Variants in RYR2 observed in about 807,000 individuals in gnomAD.
RYR2 encodes cardiac muscle ryanodine receptor-calcium release channel.
In RYR2, 227 loss-of-function variants were observed where a neutral mutation model predicts 601.1. That is an observed-to-expected ratio of 0.38 (90% CI 0.34 to 0.42). The LOEUF (loss-of-function observed/expected upper bound fraction) is 0.42. Among genes scored for constraint, RYR2 ranks in the 10% least tolerant of loss-of-function variants. The probability of loss-of-function intolerance (pLI) is 1.00; values close to 1 mark genes in which losing one functional copy is unlikely to be tolerated. For synonymous variants in RYR2, 2,223 were observed against 2,175.1 expected (o/e 1.02, Z -0.61); for missense variants, 4,646 against 6,156.5 (o/e 0.75, Z 8.21).
chr1:237,733,798 A>T, intron 79 of RYR2, 42 bp downstream of exon 79: 1 of 1,303,090 alleles, frequency 7.7e-7, no homozygotes, highest in Non-Finnish European at 1.1e-6. Flanking sequence ...TAATTTTAAT[A>T]AAGGGAAGTA....
chr1:237,623,685 C>T, intron 38 of RYR2, 80 bp from the exon 39 acceptor site: 1 of 877,072 alleles, frequency 1.1e-6, no homozygotes, highest in Admixed American at 2.0e-5. Flanking sequence ...AGCCACTCCG[C>T]CCGGCCCTGC....
intron 1 of RYR2, among the ~76,000 whole-genome samples, chr1:237,152,434 C>A (rs996203488): frequency 2.0e-5 from 3 of 152,164 alleles, no homozygotes; most frequent in African/African-American, 7.2e-5. Context: ...GGCACACTAT[C>A]TTCCACAATG....
chr1:237,655,947 G>A lies in RYR2; in HGVS notation c.8092G>A (p.Glu2698Lys). The A allele has an allele frequency of 6.2e-7, 1 of 1,613,502 alleles. No homozygotes were observed. Among genetic ancestry groups the A allele is most frequent in the Non-Finnish European group, 8.5e-7 (1 of 1,179,690 alleles). The change falls in exon 53 of 105, where the codon GAA becomes AAA. Residue 2698 changes from glutamate to lysine, a missense_variant. Transcript: ENST00000366574. ...MMEKQSSMDS[E>K]GNFNPQPVDT... ...GGAAAAACAGTCATCAATGGATTCT[G>A]AAGGGAACTTTAACCCACAACCTGT...
At chr1:237,257,278 A>C (rs1688087391) in intron 1 of RYR2, among the ~76,000 whole-genome samples, 1 of 152,178 alleles carries the variant, frequency 6.6e-6, no homozygotes, top group Admixed American at 6.5e-5. Context: ...CTTTCTGCTC[A>C]TCTGTAGGGT....
chr1:237,601,239 A>G (rs1424103720), intron 34 of RYR2, among the ~76,000 whole-genome samples: 1 of 152,200 alleles, frequency 6.6e-6, no homozygotes, highest in Non-Finnish European at 1.5e-5. Context: ...ACACAGTGGA[A>G]TACTATTTGG....
At chr1:237,118,874 C>A (rs1184623405) in intron 1 of RYR2, among the ~76,000 whole-genome samples, 1 of 151,820 alleles carries the variant, frequency 6.6e-6, no homozygotes, top group Non-Finnish European at 1.5e-5. Flanking sequence ...TTTAAAGAAA[C>A]CGGAACTACT....
chr1:237,783,048 T>C (rs1201050510), intron 89 of RYR2, among the ~76,000 whole-genome samples: 1 of 152,228 alleles, frequency 6.6e-6, no homozygotes, highest in East Asian at 1.9e-4. Flanking sequence ...AGTTCAGGAA[T>C]CTGCCATTTT....
Position 237,589,880 on chromosome 1 carries a change from T to C in RYR2, c.3686T>C (p.Ile1229Thr). ...KDVSTLKYFTICGLQEGYEPF... is the reference protein window; with the variant it reads ...KDVSTLKYFTTCGLQEGYEPF... ...GTCAGCACCTTGAAATATTTCACCA[T>C]CTGTGGCTTACAAGAGGGCTATGAA... Residue 1229 changes from isoleucine (I) to threonine (T), a missense_variant, in exon 30 of 105, where the codon ATC (isoleucine) becomes ACC (threonine). Physicochemically the swap from Ile to Thr is moderately conservative, Grantham distance 89. Transcript: ENST00000366574. 2 of 1,613,920 alleles carry C rather than the reference T, an allele frequency of 1.2e-6. No homozygotes were observed. The highest frequency in any genetic ancestry group is 1.7e-6 in the Non-Finnish European group (2 of 1,179,864).
At chr1:237,390,045 GA>G (rs889026073) in intron 10 of RYR2, among the ~76,000 whole-genome samples, 14 of 152,188 alleles carry the variant, frequency 9.2e-5, no homozygotes, top group African/African-American at 3.4e-4. Context: ...AGAGAAATAA[GA>G]GTCAGCAAGA....
At chr1:237,611,696 T>G (rs1677888501) in intron 36 of RYR2, among the ~76,000 whole-genome samples, 2 of 152,202 alleles carry the variant, frequency 1.3e-5, no homozygotes, top group Non-Finnish European at 2.9e-5. Context: ...AATCACAAAC[T>G]GAGTAAAAAC....
intron 2 of RYR2, among the ~76,000 whole-genome samples, chr1:237,284,683 T>TACAC (rs71180018): frequency 4.2e-5 from 6 of 143,604 alleles, no homozygotes; most frequent in African/African-American, 7.8e-5. Flanking sequence ...TATATATATG[T>TACAC]ACACACACAC....
intron 17 of RYR2, among the ~76,000 whole-genome samples, chr1:237,471,873 A>G (rs2150315971): frequency 6.6e-6 from 1 of 151,930 alleles, no homozygotes; most frequent in Non-Finnish European, 1.5e-5. Context: ...CTTAGAGTAT[A>G]TTTAATCTAA....
chr1:237,509,390 C>T (rs1665652942), intron 23 of RYR2, among the ~76,000 whole-genome samples: 1 of 152,210 alleles, frequency 6.6e-6, no homozygotes, highest in Non-Finnish European at 1.5e-5. Flanking sequence ...AATTCATTAA[C>T]ATTTTAAATG....
At chr1:237,162,020 CTCTGTGTGGA>C (rs1157600069) in intron 1 of RYR2, among the ~76,000 whole-genome samples, 4 of 152,096 alleles carry the variant, frequency 2.6e-5, no homozygotes, top group Non-Finnish European at 5.9e-5. Context: ...CAGCCTCTAG[CTCTGTGTGGA>C]TATTTACACT....
intron 28 of RYR2, among the ~76,000 whole-genome samples, chr1:237,567,348 A>G (rs1672186802): frequency 6.8e-6 from 1 of 146,554 alleles, no homozygotes; most frequent in East Asian, 2.0e-4. Context: ...AGAGGCTGAG[A>G]TGGAGGGATC....
chr1:237,175,240 C>T (rs1677891125), intron 1 of RYR2, among the ~76,000 whole-genome samples: 1 of 152,152 alleles, frequency 6.6e-6, no homozygotes, highest in Admixed American at 6.5e-5. Context: ...CCCCTTAGGG[C>T]ACCTTAATTA....
At chr1:237,044,878 C>T (rs749358956) in intron 1 of RYR2, among the ~76,000 whole-genome samples, 5 of 149,454 alleles carry the variant, frequency 3.3e-5, no homozygotes, top group Non-Finnish European at 5.9e-5. Flanking sequence ...ACATTGAAGT[C>T]GCTTCTTTTT....
rs770823825 is a variant in RYR2 at position 237,648,529 on chromosome 1, T to C, written c.7428T>C (p.Tyr2476=). ...TGGTTTTATTCCTTGACAGGGTCTA[T>C]GGGATTGAGGTTCAAGACTTCCTCC... ...AAMVLFLDRV[Y]GIEVQDFLLH... Residue 2476 remains tyrosine (Y), a synonymous_variant, in exon 49 of 105, where the codon TAT becomes TAC. Transcript: ENST00000366574. 82 of 1,611,578 alleles carry C rather than the reference T, an allele frequency of 5.1e-5. No homozygotes were observed. The highest frequency in any genetic ancestry group is 5.3e-5 in the Non-Finnish European group (62 of 1,178,860).
chr1:237,585,827 G>T (rs1391204646), intron 29 of RYR2, among the ~76,000 whole-genome samples: 1 of 151,890 alleles, frequency 6.6e-6, no homozygotes, highest in Non-Finnish European at 1.5e-5. Context: ...ACCATCTACT[G>T]GTATAATTGC....
Sources: allele counts gnomAD v4.1 joint callset (sites outside exome capture counted in the v4.1 genomes callset), GRCh38; gene constraint gnomAD v4.1.1; transcripts MANE v1.5; gene names NCBI Gene and HGNC (gene_info 2026-07-23, HGNC 2026-07-21).